The following GABRB3 variants were observed in gnomAD, a reference collection of about 807,000 sequenced individuals.
GABRB3 encodes the protein gamma-aminobutyric acid receptor subunit beta-3.
In GABRB3, 14 loss-of-function variants were observed where a neutral mutation model predicts 52.1. The observed-to-expected ratio is 0.27, with a 90% CI of 0.18 to 0.42. The LOEUF (loss-of-function observed/expected upper bound fraction) is 0.42, where lower values mean the gene tolerates loss of function less well. GABRB3 is among the 10% of genes least tolerant of loss of function. The probability of loss-of-function intolerance (pLI) is 1.00; values close to 1 mark genes in which losing one functional copy is unlikely to be tolerated. For missense variants in GABRB3, 307 were observed against 609.1 expected, an observed-to-expected ratio of 0.50 and a Z score of 5.22; for synonymous variants, 260 against 232.3, an observed-to-expected ratio of 1.12 and a Z score of -1.08.
At chr15:26,753,780 G>A (rs375429239) in intron 3 of GABRB3, among the ~76,000 whole-genome samples, 3 of 152,324 alleles carry the variant, frequency 2.0e-5, no homozygotes, top group East Asian at 3.9e-4. Flanking sequence ...TACAGGGTGG[G>A]TAGAGAGGTG....
In GABRB3 at chr15:26,686,669, G is replaced by A. The variant is rs182393574; in HGVS notation, c.241-65135C>T. On this transcript the variant is annotated intron_variant, in intron 3 of 8. Transcript: ENST00000311550. ...AAAGTTAAGGTAATAGGCCAGCAGT[G>A]TTGCCTTGCCTTGCCCTGACAGTGT... Among the ~76,000 whole-genome samples the A allele has an allele frequency of 5.1e-3, 777 of 152,338 alleles. 11 individuals carry two copies. The highest frequency in any genetic ancestry group is 0.018 in the African/African-American group (759 of 41,586).
chr15:26,744,209 G>A (rs529886665), intron 3 of GABRB3, among the ~76,000 whole-genome samples: 8 of 152,126 alleles, frequency 5.3e-5, no homozygotes, highest in South Asian at 2.1e-4. Flanking sequence ...AGGACACAGC[G>A]GTTGAGTATT....
chr15:26,707,859 A>C (rs1889155639), intron 3 of GABRB3, among the ~76,000 whole-genome samples: 1 of 152,172 alleles, frequency 6.6e-6, no homozygotes, highest in African/African-American at 2.4e-5. Context: ...TGTCCCCCAA[A>C]ATGATACATA....
chr15:26,705,045 C>T (rs1889055046), intron 3 of GABRB3, among the ~76,000 whole-genome samples: 1 of 152,244 alleles, frequency 6.6e-6, no homozygotes, highest in Non-Finnish European at 1.5e-5. Context: ...CAACACTCTC[C>T]TCCTCTGACT....
chr15:26,730,569 G>A lies in GABRB3; in HGVS notation c.240+41833C>T, dbSNP rs529110816. On this transcript the variant is annotated intron_variant, in intron 3 of 8. Coordinates refer to ENST00000311550, the MANE Select transcript of GABRB3 (RefSeq NM_000814.6). ...GAAGAGGCCAGAGCCCTCAGCCCAG[G>A]GCCACAGAGTGAATGGCCAGGGTGG... 1.3e-3 allele frequency among the ~76,000 whole-genome samples: 191 copies of A among 152,310 alleles called. 1 individual carries two copies. The highest frequency in any genetic ancestry group is 2.1e-3 in the South Asian group (10 of 4,830).
chr15:26,734,362 G>C (rs2316199), intron 3 of GABRB3, among the ~76,000 whole-genome samples: 64,746 of 151,778 alleles, frequency 0.43, 16,210 homozygotes, highest in Admixed American at 0.59. Context: ...GAAAACACAG[G>C]GCAAAATCTT....
At chr15:26,684,764 T>A (rs971490121) in intron 3 of GABRB3, among the ~76,000 whole-genome samples, 1 of 152,128 alleles carries the variant, frequency 6.6e-6, no homozygotes, top group Non-Finnish European at 1.5e-5. Context: ...ACAACACTGA[T>A]GGATTCAGCT....
Position 26,772,955 on chromosome 15 carries a change from C to T in GABRB3, c.8G>A (p.Gly3Asp), listed in dbSNP as rs753024924. 4 of 1,445,540 alleles carry T rather than the reference C, an allele frequency of 2.8e-6. No individual in the cohort carries two copies. Among genetic ancestry groups the T allele is most frequent in the Admixed American group, 2.3e-5 (1 of 43,258 alleles). The allele number at this position is 1,445,540 out of a possible 1,614,324, so 89.5% of individuals were successfully genotyped here. The change falls in exon 1 of 9, where the codon GGC becomes GAC. Residue 3 changes from glycine (G) to aspartate (D), a missense_variant. This residue lies in a region of GABRB3 where 90 missense variants were observed against 86.4 expected (regional missense o/e 1.04). Transcript: ENST00000311550. Reference sequence around the variant, plus strand: ...GCCGAAAAGCCTTCCTCCCGCAAGGCCCCACATCCCTCCGCCGCGCCCCGG... The same window carrying T: ...GCCGAAAAGCCTTCCTCCCGCAAGGTCCCACATCCCTCCGCCGCGCCCCGG... MW[G>D]LAGGRLFGIF...
intron 3 of GABRB3, among the ~76,000 whole-genome samples, chr15:26,721,633 G>C (rs890576390): frequency 6.6e-6 from 1 of 151,558 alleles, no homozygotes; most frequent in South Asian, 2.1e-4. Context: ...ACAGAGCTCC[G>C]TCTCAACTAA....
chr15:26,739,734 T>A (rs1890154149), intron 3 of GABRB3, among the ~76,000 whole-genome samples: 1 of 152,202 alleles, frequency 6.6e-6, no homozygotes, highest in Non-Finnish European at 1.5e-5. Flanking sequence ...ATGTGATATT[T>A]TGTTATGTTC....
intron 3 of GABRB3, among the ~76,000 whole-genome samples, chr15:26,648,693 T>C (rs1887092938): frequency 6.6e-6 from 1 of 151,998 alleles, no homozygotes; most frequent in Non-Finnish European, 1.5e-5. Context: ...ACCCAGGAGG[T>C]CACAGGAGAG....
Position 26,772,998 on chromosome 15 carries a change from C to A in GABRB3, c.-36G>T. On this transcript the variant is annotated 5_prime_UTR_variant, in exon 1 of 9. Coordinates refer to ENST00000311550, the MANE Select transcript of GABRB3 (RefSeq NM_000814.6). Reference sequence around the variant, plus strand: ...CGCCCCGGCACGGGGGAGGGGGCGCCCCGCCGCCGTCGCGACCCGCAGCCG... The same window carrying A: ...CGCCCCGGCACGGGGGAGGGGGCGCACCGCCGCCGTCGCGACCCGCAGCCG... 3.7e-6 allele frequency: 5 copies of A among 1,334,766 alleles called. No individual in the cohort carries two copies. The highest frequency in any genetic ancestry group is 4.8e-6 in the Non-Finnish European group (5 of 1,032,566). 82.7% of individuals were successfully genotyped at this position (1,334,766 alleles called of 1,614,324 possible).
At chr15:26,756,810 C>T (rs1168593356) in intron 3 of GABRB3, among the ~76,000 whole-genome samples, 1 of 152,162 alleles carries the variant, frequency 6.6e-6, no homozygotes, top group African/African-American at 2.4e-5. Context: ...TACCTGCTTT[C>T]CTCCCTTTCA....
chr15:26,677,598 A>C (rs28555613), intron 3 of GABRB3, among the ~76,000 whole-genome samples: 24,136 of 152,206 alleles, frequency 0.16, 2,123 homozygotes, highest in Non-Finnish European at 0.21. Flanking sequence ...CAAAGGTAGA[A>C]CAGCTTTCCT....
intron 3 of GABRB3, among the ~76,000 whole-genome samples, chr15:26,679,685 C>T (rs777183915): frequency 2.8e-4 from 43 of 152,020 alleles, no homozygotes; most frequent in Non-Finnish European, 5.0e-4. Flanking sequence ...AGCCCAGAGC[C>T]AATCTCACTG....
chr15:26,572,736 A>T (rs1439094325), intron 6 of GABRB3, among the ~76,000 whole-genome samples: 4 of 152,210 alleles, frequency 2.6e-5, no homozygotes, highest in Non-Finnish European at 5.9e-5. Context: ...AGAAGCTTGA[A>T]TTTACAACTG....
rs80083925 is a variant in GABRB3 at position 26,608,655 on chromosome 15, T to C, written c.461+12659A>G. Among the ~76,000 whole-genome samples the C allele has an allele frequency of 1.5e-3, 229 of 152,198 alleles. 7 individuals carry two copies. In the East Asian group the frequency reaches 0.042, roughly 28 times the overall value. ...TGGAGAAGGAACCTAAAGAGACATT[T>C]CTCAAAAGAAGACATGCAAATGGCC... On this transcript the variant is annotated intron_variant, in intron 4 of 8. Transcript: ENST00000311550.
intron 3 of GABRB3, among the ~76,000 whole-genome samples, chr15:26,698,808 T>C (rs1293433964): frequency 2.6e-5 from 4 of 152,126 alleles, no homozygotes; most frequent in Non-Finnish European, 5.9e-5. Flanking sequence ...TGTCAGAAAC[T>C]TCATCTGTTA....
At chr15:26,688,091 G>A (rs1379604695) in intron 3 of GABRB3, among the ~76,000 whole-genome samples, 1 of 152,134 alleles carries the variant, frequency 6.6e-6, no homozygotes, top group Non-Finnish European at 1.5e-5. Context: ...GACAAGACTG[G>A]TCATTTGAGT....
Sources: gnomAD v4.1 joint callset for allele counts (sites outside exome capture counted in the v4.1 genomes callset) on GRCh38, gnomAD v4.1.1 for gene constraint, gnomAD v4.1.1 regional missense constraint, MANE v1.5 for transcripts, NCBI Gene and HGNC (gene_info 2026-07-23, HGNC 2026-07-21) for gene names.